LPAR3: variants seen among roughly 807,000 people sequenced by gnomAD.
LPAR3 encodes the protein LPA receptor 3.
A neutral mutation model predicts 17.8 loss-of-function variants in LPAR3; 7 were observed. The ratio of observed to expected loss-of-function variants is 0.39; its 90% CI spans 0.22 to 0.74. LPAR3 has a LOEUF of 0.74. Among genes scored for constraint, LPAR3 ranks in the 30% least tolerant of loss-of-function variants. The pLI, the probability that LPAR3 is intolerant of heterozygous loss-of-function variation, is 0.40. For missense variants in LPAR3, 391 were observed against 453.4 expected, an observed-to-expected ratio of 0.86 and a Z score of 1.25; for synonymous variants, 179 against 179.9, an observed-to-expected ratio of 0.99 and a Z score of 0.04.
chr1:84,878,537 T>A (rs564309638), intron 1 of LPAR3, among the ~76,000 whole-genome samples: 3 of 152,162 alleles, frequency 2.0e-5, no homozygotes, highest in Non-Finnish European at 4.4e-5. Flanking sequence ...CATGCTAAGC[T>A]ACCACTTGCA....
At chr1:84,847,543 C>A (rs1191342049) in intron 2 of LPAR3, among the ~76,000 whole-genome samples, 24 of 152,212 alleles carry the variant, frequency 1.6e-4, no homozygotes, top group Admixed American at 1.6e-3. Flanking sequence ...CATCAACAAG[C>A]CCAGGAAGCA....
At chr1:84,890,560 C>T (rs12143480) in intron 1 of LPAR3, among the ~76,000 whole-genome samples, 7,035 of 152,216 alleles carry the variant, frequency 0.046, 189 homozygotes, top group Non-Finnish European at 0.066. Context: ...TGGACTGGAA[C>T]AAAAGCTGGT....
intron 2 of LPAR3, among the ~76,000 whole-genome samples, chr1:84,843,899 G>A (rs982380495): frequency 1.3e-5 from 2 of 152,190 alleles, no homozygotes; most frequent in Admixed American, 6.5e-5. Flanking sequence ...AGTCTACCCT[G>A]CATCTGGGTT....
intron 2 of LPAR3, among the ~76,000 whole-genome samples, chr1:84,819,262 G>C (rs1659004253): frequency 6.6e-6 from 1 of 152,228 alleles, no homozygotes; most frequent in Non-Finnish European, 1.5e-5. Context: ...GAATAGCAGA[G>C]AGAATAAAAA....
chr1:84,841,918 A>G (rs1659510770), intron 2 of LPAR3, among the ~76,000 whole-genome samples: 1 of 152,240 alleles, frequency 6.6e-6, no homozygotes, highest in Non-Finnish European at 1.5e-5. Context: ...TGCAAAAGAA[A>G]GAAAGAGAGA....
intron 1 of LPAR3, among the ~76,000 whole-genome samples, chr1:84,886,206 T>A (rs536745535): frequency 6.6e-6 from 1 of 152,344 alleles, no homozygotes; most frequent in Non-Finnish European, 1.5e-5. Flanking sequence ...TTTCCACTAA[T>A]GTACAACACA....
chr1:84,816,556 T>C (rs1163327961), intron 2 of LPAR3, among the ~76,000 whole-genome samples: 1 of 152,134 alleles, frequency 6.6e-6, no homozygotes, highest in Non-Finnish European at 1.5e-5. Flanking sequence ...TCCAGCACTT[T>C]GGGAGGCTGA....
At chr1:84,819,935 C>T (rs558076898) in intron 2 of LPAR3, among the ~76,000 whole-genome samples, 15 of 152,308 alleles carry the variant, frequency 9.8e-5, no homozygotes, top group Admixed American at 7.2e-4. Context: ...ATAGCATTCA[C>T]GTGGCACTGG....
intron 2 of LPAR3, among the ~76,000 whole-genome samples, chr1:84,827,068 C>T (rs757599193): frequency 6.6e-6 from 1 of 152,154 alleles, no homozygotes; most frequent in Non-Finnish European, 1.5e-5. Context: ...TAGAAAAATG[C>T]ACCGCAATGC....
intron 1 of LPAR3, among the ~76,000 whole-genome samples, chr1:84,878,600 G>A (rs1660299596): frequency 6.6e-6 from 1 of 152,138 alleles, no homozygotes; most frequent in South Asian, 2.1e-4. Context: ...GGCACCATGA[G>A]GGCAGCATGT....
At chr1:84,844,902 G>T (rs1659568308) in intron 2 of LPAR3, among the ~76,000 whole-genome samples, 1 of 152,174 alleles carries the variant, frequency 6.6e-6, no homozygotes, top group Non-Finnish European at 1.5e-5. Flanking sequence ...TCTAAAGAGA[G>T]AACTAAGGGG....
chr1:84,888,722 C>G (rs562676193), intron 1 of LPAR3, among the ~76,000 whole-genome samples: 1 of 152,328 alleles, frequency 6.6e-6, no homozygotes, highest in Non-Finnish European at 1.5e-5. Flanking sequence ...AAATAGTGCA[C>G]TTATGGAGGG....
At chr1:84,865,306 T>C in intron 2 of LPAR3, 79 bp downstream of exon 2, 1 of 1,449,706 alleles carries the variant, frequency 6.9e-7, no homozygotes, top group East Asian at 2.4e-5. Flanking sequence ...GCCTAGTAAG[T>C]GCCTGGTACA....
At chr1:84,821,383 C>G (rs1005018794) in intron 2 of LPAR3, among the ~76,000 whole-genome samples, 1 of 152,122 alleles carries the variant, frequency 6.6e-6, no homozygotes, top group Non-Finnish European at 1.5e-5. Flanking sequence ...TTTAAAAATA[C>G]TGTTATTGAA....
In LPAR3 at chr1:84,813,583, G is replaced by A. The variant is rs910036316; in HGVS notation, c.*263C>T. 4 of 383,394 alleles carry A rather than the reference G, an allele frequency of 1.0e-5. No homozygotes were observed. The highest frequency in any genetic ancestry group is 8.0e-5 in the African/African-American group (4 of 50,192). 23.7% of individuals were successfully genotyped at this position (383,394 alleles called of 1,614,324 possible). A position where few individuals can be genotyped will look rare whatever the true frequency, so the allele number is the denominator to read the frequency against. ...TGCCAGAACCCAGAAGGCCCAGCTG[G>A]ACTGACAGGAGCTCTGAGCAGTTCA... On this transcript the variant is annotated 3_prime_UTR_variant, in exon 3 of 3. Coordinates refer to ENST00000370611, the MANE Select transcript of LPAR3 (RefSeq NM_012152.3).
chr1:84,814,975 G>GAC (rs1658904496), intron 2 of LPAR3, among the ~76,000 whole-genome samples: 1 of 152,064 alleles, frequency 6.6e-6, no homozygotes, highest in Non-Finnish European at 1.5e-5. Flanking sequence ...CTCCCATTAA[G>GAC]ACATGGGTCC....
chr1:84,882,814 T>G (rs1536117), intron 1 of LPAR3, among the ~76,000 whole-genome samples: 83,547 of 152,084 alleles, frequency 0.55, 24,110 homozygotes, highest in East Asian at 0.85. Flanking sequence ...ACTTAAAGTA[T>G]AATAATAAAA....
At chr1:84,872,993 T>C (rs570101793) in intron 1 of LPAR3, among the ~76,000 whole-genome samples, 1 of 152,250 alleles carries the variant, frequency 6.6e-6, no homozygotes, top group African/African-American at 2.4e-5. Context: ...GAGAAAAACA[T>C]CAGCTAAATC....
intron 2 of LPAR3, among the ~76,000 whole-genome samples, chr1:84,837,048 G>A (rs188997656): frequency 1.2e-3 from 167 of 136,722 alleles, no homozygotes; most frequent in African/African-American, 4.3e-3. Context: ...TTTTTGAGAC[G>A]GAGTCTCGCT....
Sources: gnomAD v4.1 joint callset for allele counts (sites outside exome capture counted in the v4.1 genomes callset) on GRCh38, gnomAD v4.1.1 for gene constraint, MANE v1.5 for transcripts, NCBI Gene and HGNC (gene_info 2026-07-23, HGNC 2026-07-21) for gene names.